COL14A1: variants seen among roughly 807,000 people sequenced by gnomAD.
COL14A1 encodes collagen type XIV alpha 1 chain.
Under a neutral mutation model 230.3 loss-of-function variants are expected in COL14A1, and 136 were observed. The ratio of observed to expected loss-of-function variants is 0.59; its 90% CI spans 0.51 to 0.68. The LOEUF (loss-of-function observed/expected upper bound fraction) is 0.68. Ranked by LOEUF, COL14A1 falls within the 30% of genes least tolerant of loss-of-function variation. The probability of loss-of-function intolerance (pLI) is 0.00; values close to 1 mark genes in which losing one functional copy is unlikely to be tolerated. For missense variants in COL14A1, 1,976 were observed against 2,215.8 expected (o/e 0.89, Z 2.17); for synonymous variants, 792 against 784.1 (o/e 1.01, Z -0.17).
At chr8:120,367,399 A>C (rs1179852479) in intron 46 of COL14A1, 151 bp downstream of exon 46, 8 of 685,936 alleles carry the variant, frequency 1.2e-5, no homozygotes, top group Non-Finnish European at 2.0e-5. Flanking sequence ...CTTTGTTAAT[A>C]AGGATCCTCC....
chr8:120,350,899 T>A (rs1004350140), intron 45 of COL14A1, among the ~76,000 whole-genome samples: 1 of 150,992 alleles, frequency 6.6e-6, no homozygotes, highest in Non-Finnish European at 1.5e-5. Context: ...AATAGACATC[T>A]ACAGAACTCT....
At chr8:120,140,321 C>T (rs1487463124) in intron 1 of COL14A1, among the ~76,000 whole-genome samples, 2 of 151,638 alleles carry the variant, frequency 1.3e-5, no homozygotes, top group Non-Finnish European at 2.9e-5. Context: ...CTAAGGTTCA[C>T]TTTTCAATTC....
intron 5 of COL14A1, among the ~76,000 whole-genome samples, chr8:120,193,007 C>T (rs1047136707): frequency 6.6e-5 from 10 of 152,118 alleles, no homozygotes; most frequent in East Asian, 1.9e-4. Context: ...TCCTGTAGCT[C>T]GGAGTAATTT....
chr8:120,330,872 G>A (rs1736828460), intron 40 of COL14A1, among the ~76,000 whole-genome samples: 1 of 152,132 alleles, frequency 6.6e-6, no homozygotes, highest in Non-Finnish European at 1.5e-5. Flanking sequence ...TTGGGAGGCC[G>A]AGGCAGGCAG....
intron 4 of COL14A1, among the ~76,000 whole-genome samples, chr8:120,163,241 A>T (rs916646233): frequency 1.3e-5 from 2 of 152,230 alleles, no homozygotes; most frequent in East Asian, 1.9e-4. Context: ...GAGAGAGTAC[A>T]TATAGGACTC....
At chr8:120,358,330 T>C (rs1823057345) in intron 45 of COL14A1, among the ~76,000 whole-genome samples, 1 of 152,180 alleles carries the variant, frequency 6.6e-6, no homozygotes, top group Non-Finnish European at 1.5e-5. Flanking sequence ...TGAGGCTACA[T>C]TGTCCCCCAA....
chr8:120,134,517 G>T (rs1345351779), intron 1 of COL14A1, among the ~76,000 whole-genome samples: 3 of 151,636 alleles, frequency 2.0e-5, no homozygotes, highest in African/African-American at 7.3e-5. Context: ...AATACTAAAA[G>T]AAAATATAGG....
intron 9 of COL14A1, among the ~76,000 whole-genome samples, chr8:120,206,289 A>T (rs1011128427): frequency 6.6e-6 from 1 of 152,216 alleles, no homozygotes; most frequent in Non-Finnish European, 1.5e-5. Context: ...AGATAAAAAA[A>T]ACTTCTTAAG....
intron 42 of COL14A1, among the ~76,000 whole-genome samples, chr8:120,334,161 T>C (rs1281793289): frequency 6.6e-6 from 1 of 152,228 alleles, no homozygotes; most frequent in Non-Finnish European, 1.5e-5. Flanking sequence ...GTCTTGTTCC[T>C]CTTATTCTTG....
At chr8:120,191,663 T>C (rs1215761608) in intron 5 of COL14A1, among the ~76,000 whole-genome samples, 3 of 151,808 alleles carry the variant, frequency 2.0e-5, no homozygotes, top group Non-Finnish European at 2.9e-5. Flanking sequence ...TCTCCCATTA[T>C]TATTGTGTGG....
At chr8:120,158,398 G>T in intron 3 of COL14A1, 152 bp downstream of exon 3, 1 of 602,970 alleles carries the variant, frequency 1.7e-6, no homozygotes, top group Non-Finnish European at 2.9e-6. Context: ...TCTAATCAAG[G>T]TAATAATGTT....
At chr8:120,258,859 G>C (rs555179855) in intron 23 of COL14A1, among the ~76,000 whole-genome samples, 2 of 152,228 alleles carry the variant, frequency 1.3e-5, no homozygotes, top group African/African-American at 4.8e-5. Flanking sequence ...CCTCTCTCCA[G>C]CTGTTTTTGA....
At chr8:120,149,359 A>G (rs1352113941) in intron 2 of COL14A1, among the ~76,000 whole-genome samples, 1 of 152,212 alleles carries the variant, frequency 6.6e-6, no homozygotes, top group Non-Finnish European at 1.5e-5. Context: ...GGGGTTAAGG[A>G]ACTGTATTTC....
chr8:120,304,218 A>G (rs1481266643), intron 36 of COL14A1, among the ~76,000 whole-genome samples: 1 of 151,982 alleles, frequency 6.6e-6, no homozygotes, highest in Non-Finnish European at 1.5e-5. Context: ...TGTCTTTTGA[A>G]TATTTTTTCA....
At chr8:120,161,533 C>G (rs1202469577) in intron 3 of COL14A1, among the ~76,000 whole-genome samples, 1 of 152,200 alleles carries the variant, frequency 6.6e-6, no homozygotes, top group Non-Finnish European at 1.5e-5. Flanking sequence ...CCTTCAGCAT[C>G]CTCAGCCATT....
chr8:120,169,784 A>G (rs1816039742), intron 5 of COL14A1, among the ~76,000 whole-genome samples: 1 of 151,998 alleles, frequency 6.6e-6, no homozygotes, highest in Non-Finnish European at 1.5e-5. Context: ...CTAATGATGT[A>G]TAGGTTTATA....
intron 34 of COL14A1, among the ~76,000 whole-genome samples, chr8:120,291,559 C>CAAAAAA (rs375963111): frequency 1.4e-4 from 6 of 41,584 alleles, no homozygotes; most frequent in South Asian, 1.2e-3. Context: ...GACTCCATCT[C>CAAAAAA]AAAAAAAAAA....
intron 14 of COL14A1, among the ~76,000 whole-genome samples, 195 bp downstream of exon 14, chr8:120,216,685 G>A (rs1817761351): frequency 6.6e-6 from 1 of 152,194 alleles, no homozygotes; most frequent in South Asian, 2.1e-4. Context: ...TCCCCAGTGA[G>A]GTTAGGGCCA....
At chr8:120,150,458 A>G (rs1403552409) in intron 2 of COL14A1, among the ~76,000 whole-genome samples, 1 of 152,228 alleles carries the variant, frequency 6.6e-6, no homozygotes, top group African/African-American at 2.4e-5. Flanking sequence ...GCTGATTATA[A>G]GTGGAGACAG....
Sources: allele counts gnomAD v4.1 joint callset (sites outside exome capture counted in the v4.1 genomes callset), GRCh38; gene constraint gnomAD v4.1.1; transcripts MANE v1.5; gene names NCBI Gene and HGNC (gene_info 2026-07-23, HGNC 2026-07-21).